TTLL11: variants seen among roughly 807,000 people sequenced by gnomAD.
TTLL11 encodes tubulin tyrosine ligase like 11.
In TTLL11, 42 loss-of-function variants were observed where a neutral mutation model predicts 51.7. The ratio of observed to expected loss-of-function variants is 0.81; its 90% CI spans 0.64 to 1.05. TTLL11 has a LOEUF of 1.05. TTLL11 is among the 50% of genes least tolerant of loss of function. The pLI, the probability that TTLL11 is intolerant of heterozygous loss-of-function variation, is 0.00. For missense variants in TTLL11, 799 were observed against 940.4 expected (o/e 0.85, Z 1.97); for synonymous variants, 381 against 383.5 (o/e 0.99, Z 0.08).
At chr9:121,991,410 T>C (rs1843108299) in intron 3 of TTLL11, among the ~76,000 whole-genome samples, 1 of 152,234 alleles carries the variant, frequency 6.6e-6, no homozygotes, top group African/African-American at 2.4e-5. Flanking sequence ...TCCCAGGGCC[T>C]TCCACTGAGG....
intron 1 of TTLL11, among the ~76,000 whole-genome samples, chr9:122,052,317 C>G (rs1845183486): frequency 6.6e-6 from 1 of 152,196 alleles, no homozygotes; most frequent in Non-Finnish European, 1.5e-5. Context: ...GAAAATGGAG[C>G]TGGTGAGAAA....
intron 3 of TTLL11, among the ~76,000 whole-genome samples, chr9:122,020,764 C>G (rs1844151145): frequency 6.6e-6 from 1 of 152,204 alleles, no homozygotes; most frequent in Admixed American, 6.5e-5. Flanking sequence ...GGCAGCTAGT[C>G]CTTTCTCTCT....
chr9:121,895,478 A>G (rs1490272210), intron 6 of TTLL11, among the ~76,000 whole-genome samples: 1 of 144,760 alleles, frequency 6.9e-6, no homozygotes, highest in Non-Finnish European at 1.5e-5. Flanking sequence ...TGGTTGTATG[A>G]GTGTTAGTGT....
intron 6 of TTLL11, among the ~76,000 whole-genome samples, chr9:121,961,045 C>T (rs1192296979): frequency 6.6e-6 from 1 of 152,178 alleles, no homozygotes; most frequent in Non-Finnish European, 1.5e-5. Flanking sequence ...AGAACACTGC[C>T]AAACACTTGG....
chr9:121,980,247 TGA>T (rs1424754099), intron 4 of TTLL11, among the ~76,000 whole-genome samples: 1 of 152,102 alleles, frequency 6.6e-6, no homozygotes, highest in Non-Finnish European at 1.5e-5. Context: ...ATTCAGAGAA[TGA>T]GATTTGGATT....
chr9:121,831,090 T>C (rs1836989929), intron 8 of TTLL11, among the ~76,000 whole-genome samples: 2 of 152,204 alleles, frequency 1.3e-5, no homozygotes, highest in South Asian at 4.1e-4. Flanking sequence ...CATGGTTGGA[T>C]GTGGGTGTGA....
chr9:121,861,413 A>G (rs1171617039), intron 7 of TTLL11, among the ~76,000 whole-genome samples: 1 of 151,540 alleles, frequency 6.6e-6, no homozygotes, highest in Non-Finnish European at 1.5e-5. Flanking sequence ...TGGCTCTGCC[A>G]CTTGGAAGCT....
intron 3 of TTLL11, among the ~76,000 whole-genome samples, chr9:122,019,751 C>T (rs891915694): frequency 6.6e-6 from 1 of 152,172 alleles, no homozygotes; most frequent in African/African-American, 2.4e-5. Context: ...TTGGCTGTGT[C>T]CCCACCCAAA....
At chr9:122,005,520 CCTT>C (rs1435549779) in intron 3 of TTLL11, among the ~76,000 whole-genome samples, 3 of 152,170 alleles carry the variant, frequency 2.0e-5, no homozygotes, top group Non-Finnish European at 4.4e-5. Flanking sequence ...AGGTCACAAA[CCTT>C]CTTGCTGGTG....
intron 6 of TTLL11, among the ~76,000 whole-genome samples, chr9:121,942,004 AG>A: frequency 6.6e-6 from 1 of 152,284 alleles, no homozygotes; most frequent in African/African-American, 2.4e-5. Flanking sequence ...CAAAATAACC[AG>A]GAAGGGCAAG....
intron 1 of TTLL11, among the ~76,000 whole-genome samples, chr9:122,064,187 T>C (rs1043750277): frequency 6.6e-6 from 1 of 152,116 alleles, no homozygotes; most frequent in African/African-American, 2.4e-5. Context: ...CCAAACTGAA[T>C]AAAGAAATCT....
At chr9:121,831,649 G>A (rs930010455) in intron 8 of TTLL11, among the ~76,000 whole-genome samples, 1 of 150,730 alleles carries the variant, frequency 6.6e-6, no homozygotes, top group African/African-American at 2.5e-5. Flanking sequence ...GCAGTGAGCC[G>A]AGATTGTGCC....
In TTLL11 at chr9:122,039,282, G is replaced by A; in HGVS notation, c.549C>T (p.Asn183=). Residue 183 remains asparagine, a synonymous_variant, in exon 2 of 9, where the codon AAC becomes AAT. Transcript: ENST00000321582. Reference sequence around the variant, plus strand: ...AATAACAGCAGATACCTGGAAACTTGTTCACTTGACCGGAGAATATGTCAT... The same window carrying A: ...AATAACAGCAGATACCTGGAAACTTATTCACTTGACCGGAGAATATGTCAT... ...HDNDIFSGQV[N]KFPGMTEMVR... 6.2e-7 allele frequency: 1 copy of A among 1,613,884 alleles called. No individual in the cohort carries two copies.
chr9:122,061,269 C>T (rs142969344), intron 1 of TTLL11, among the ~76,000 whole-genome samples: 341 of 152,342 alleles, frequency 2.2e-3, no homozygotes, highest in Non-Finnish European at 3.7e-3. Context: ...TCTGCAAAGA[C>T]TATTTCCAAA....
intron 8 of TTLL11, among the ~76,000 whole-genome samples, chr9:121,828,422 A>G (rs1289917079): frequency 6.6e-6 from 1 of 151,984 alleles, no homozygotes; most frequent in Non-Finnish European, 1.5e-5. Context: ...TGATCCGCCC[A>G]CCTTGGCCTC....
intron 6 of TTLL11, among the ~76,000 whole-genome samples, chr9:121,939,511 A>G (rs1841358392): frequency 6.6e-6 from 1 of 152,140 alleles, no homozygotes; most frequent in African/African-American, 2.4e-5. Flanking sequence ...GTAAAAGAAC[A>G]TAGTGATTCT....
intron 3 of TTLL11, among the ~76,000 whole-genome samples, chr9:122,023,347 C>T (rs1046778609): frequency 6.6e-6 from 1 of 151,800 alleles, no homozygotes; most frequent in African/African-American, 2.4e-5. Flanking sequence ...ACATGATTTC[C>T]CTAGTGAATT....
At chr9:122,061,789 C>T (rs960767032) in intron 1 of TTLL11, among the ~76,000 whole-genome samples, 1 of 152,112 alleles carries the variant, frequency 6.6e-6, no homozygotes. Context: ...AGACACCCAC[C>T]ACCACGCCCT....
chr9:121,967,320 G>C (rs1283491441), intron 6 of TTLL11, among the ~76,000 whole-genome samples: 1 of 143,444 alleles, frequency 7.0e-6, no homozygotes, highest in Admixed American at 7.6e-5. Flanking sequence ...CGCCTCCCGG[G>C]TTCAAGCGAT....
Sources: gnomAD v4.1 joint callset for allele counts (sites outside exome capture counted in the v4.1 genomes callset) on GRCh38, gnomAD v4.1.1 for gene constraint, MANE v1.5 for transcripts, NCBI Gene and HGNC (gene_info 2026-07-23, HGNC 2026-07-21) for gene names.